NELL2: variants seen among roughly 807,000 people sequenced by gnomAD.
The protein encoded by NELL2 is neural EGFL like 2, also known as protein kinase C-binding protein NELL2.
NELL2 carries 41 observed loss-of-function variants against 109.6 expected under a neutral mutation model. The ratio of observed to expected loss-of-function variants is 0.37; its 90% CI spans 0.29 to 0.49. The LOEUF is 0.49. Among genes scored for constraint, NELL2 ranks in the 20% least tolerant of loss-of-function variants. The pLI is 0.98. For synonymous variants in NELL2, 355 were observed against 344.7 expected, an observed-to-expected ratio of 1.03 and a Z score of -0.33; for missense variants, 900 against 1,008.3, an observed-to-expected ratio of 0.89 and a Z score of 1.45.
At chr12:44,677,981 C>CTA (rs1459450535) in intron 12 of NELL2, among the ~76,000 whole-genome samples, 4 of 151,926 alleles carry the variant, frequency 2.6e-5, no homozygotes, top group Non-Finnish European at 5.9e-5. Context: ...CAGCACTGGG[C>CTA]TAGAGATCAA....
chr12:44,772,986 C>T (rs1256617105), intron 9 of NELL2, among the ~76,000 whole-genome samples: 2 of 152,112 alleles, frequency 1.3e-5, no homozygotes, highest in African/African-American at 4.8e-5. Flanking sequence ...AAGCATTAGT[C>T]CGATTTAGTC....
intron 12 of NELL2, among the ~76,000 whole-genome samples, chr12:44,677,555 G>A (rs1376623471): frequency 8.5e-5 from 13 of 152,106 alleles, no homozygotes; most frequent in Non-Finnish European, 1.2e-4. Context: ...AGGGACATGA[G>A]ATGTTATTAT....
intron 8 of NELL2, among the ~76,000 whole-genome samples, chr12:44,775,089 G>A (rs1416050733): frequency 1.3e-5 from 2 of 152,078 alleles, no homozygotes; most frequent in Non-Finnish European, 2.9e-5. Context: ...CTGGCTGCTC[G>A]GGCTTCCCAT....
At chr12:44,860,845 C>A (rs1944819792) in intron 2 of NELL2, among the ~76,000 whole-genome samples, 1 of 152,206 alleles carries the variant, frequency 6.6e-6, no homozygotes, top group African/African-American at 2.4e-5. Context: ...CACAGTCTTT[C>A]TCCTGACCCC....
intron 9 of NELL2, among the ~76,000 whole-genome samples, chr12:44,760,152 T>G (rs1941061531): frequency 6.6e-6 from 1 of 152,170 alleles, no homozygotes; most frequent in Admixed American, 6.5e-5. Context: ...GCATTCCGTT[T>G]CCATAGCTAT....
At chr12:44,524,355 TTC>T (rs1941675489) in intron 16 of NELL2, among the ~76,000 whole-genome samples, 1 of 152,184 alleles carries the variant, frequency 6.6e-6, no homozygotes, top group Admixed American at 6.5e-5. Flanking sequence ...CAAAATACAT[TTC>T]AGAGACATGG....
chr12:44,682,018 G>A (rs1048757366), intron 12 of NELL2, among the ~76,000 whole-genome samples: 1 of 151,706 alleles, frequency 6.6e-6, no homozygotes, highest in African/African-American at 2.4e-5. Flanking sequence ...GATTGAACTA[G>A]TTTACAGTCC....
intron 9 of NELL2, among the ~76,000 whole-genome samples, chr12:44,745,753 C>T (rs1383247354): frequency 6.6e-6 from 1 of 152,092 alleles, no homozygotes; most frequent in Admixed American, 6.6e-5. Flanking sequence ...ATGTGAAGGA[C>T]CTCTTCAAGG....
intron 1 of NELL2, among the ~76,000 whole-genome samples, chr12:44,887,429 A>G (rs958430457): frequency 5.9e-5 from 9 of 152,026 alleles, no homozygotes; most frequent in African/African-American, 2.2e-4. Flanking sequence ...CCTCACTAGC[A>G]TCCATTATTG....
At chr12:44,587,463 C>T (rs1041079371) in intron 15 of NELL2, among the ~76,000 whole-genome samples, 7 of 151,516 alleles carry the variant, frequency 4.6e-5, no homozygotes, top group African/African-American at 1.7e-4. Context: ...ATTGTTAACA[C>T]ATATTATTTC....
intron 2 of NELL2, among the ~76,000 whole-genome samples, chr12:44,857,327 G>A (rs2710459): frequency 0.8 from 121,473 of 152,116 alleles, 48,953 homozygotes; most frequent in Middle Eastern, 0.94. Context: ...TACTGGAATC[G>A]AAATCAGCAC....
intron 11 of NELL2, among the ~76,000 whole-genome samples, chr12:44,706,831 G>A (rs1227619732): frequency 1.3e-5 from 2 of 152,024 alleles, no homozygotes; most frequent in African/African-American, 4.8e-5. Flanking sequence ...TAACTTCAAG[G>A]ATATTATGTT....
chr12:44,657,933 T>C (rs1161851905), intron 13 of NELL2, among the ~76,000 whole-genome samples: 4 of 152,194 alleles, frequency 2.6e-5, no homozygotes, highest in African/African-American at 9.7e-5. Flanking sequence ...AGTGCTGCAA[T>C]AAACATGCGT....
At chr12:44,876,560 A>T (rs1339530516), upstream of NELL2, 1 of 1,473,840 alleles carries the variant, frequency 6.8e-7, no homozygotes, top group Admixed American at 2.4e-5. Flanking sequence ...CGGGATTGAA[A>T]GCTCTAAATC....
At chr12:44,652,462 T>C (rs898979385) in intron 13 of NELL2, among the ~76,000 whole-genome samples, 24 of 152,240 alleles carry the variant, frequency 1.6e-4, no homozygotes, top group African/African-American at 5.8e-4. Context: ...AAACCAAATA[T>C]GGAAAAAGCA....
intron 2 of NELL2, among the ~76,000 whole-genome samples, chr12:44,832,157 C>T (rs1943908973): frequency 6.6e-6 from 1 of 152,084 alleles, no homozygotes; most frequent in African/African-American, 2.4e-5. Context: ...GCTCAAGGGG[C>T]CATATAAGAA....
chr12:44,541,387 G>T (rs540199662), intron 15 of NELL2, among the ~76,000 whole-genome samples: 1 of 151,660 alleles, frequency 6.6e-6, no homozygotes, highest in Non-Finnish European at 1.5e-5. Flanking sequence ...GATTACAAAA[G>T]GATATCCAGA....
At chr12:44,833,895 G>A (rs1943965157) in intron 2 of NELL2, among the ~76,000 whole-genome samples, 1 of 152,118 alleles carries the variant, frequency 6.6e-6, no homozygotes, top group African/African-American at 2.4e-5. Flanking sequence ...AAATCCTATT[G>A]AAACGAAAGT....
At chr12:44,834,073 TTAGA>T in intron 2 of NELL2, among the ~76,000 whole-genome samples, 2 of 152,330 alleles carry the variant, frequency 1.3e-5, no homozygotes, top group Middle Eastern at 3.4e-3. Flanking sequence ...AATACCACAC[TTAGA>T]TAGATGTATT....
Sources: allele counts gnomAD v4.1 joint callset (sites outside exome capture counted in the v4.1 genomes callset), GRCh38; gene constraint gnomAD v4.1.1; transcripts MANE v1.5; gene names NCBI Gene and HGNC (gene_info 2026-07-23, HGNC 2026-07-21).